SUSD4: variants seen among roughly 807,000 people sequenced by gnomAD.
SUSD4 encodes the protein sushi domain-containing protein 4.
Under a neutral mutation model 50.5 loss-of-function variants are expected in SUSD4, and 41 were observed. The observed-to-expected ratio is 0.81, with a 90% CI of 0.63 to 1.05. The LOEUF is 1.05. Ranked by LOEUF, SUSD4 falls within the 50% of genes least tolerant of loss-of-function variation. SUSD4 has a pLI of 0.00. For missense variants in SUSD4, 580 were observed against 634.7 expected (o/e 0.91, Z 0.93); for synonymous variants, 257 against 257.3 (o/e 1.00, Z 0.01).
chr1:223,313,087 G>C lies in SUSD4; in HGVS notation c.149-20436C>G, dbSNP rs542470190. Among the ~76,000 whole-genome samples the C allele has an allele frequency of 6.6e-5, 10 of 152,276 alleles. No homozygotes were observed. In the East Asian group the frequency reaches 1.9e-3, roughly 29 times the overall value. ...TATCTTATTATTCATGGCGAACCTT[G>C]ATAGTTTATGCTCACAAGGTGACTG... On this transcript the variant is annotated intron_variant, in intron 2 of 8. Transcript: ENST00000366878.
At chr1:223,353,832 G>A (rs955677172) in intron 2 of SUSD4, among the ~76,000 whole-genome samples, 2 of 152,022 alleles carry the variant, frequency 1.3e-5, no homozygotes, top group Non-Finnish European at 2.9e-5. Context: ...TAGGAAGGGA[G>A]ACACCCAAAG....
intron 5 of SUSD4, among the ~76,000 whole-genome samples, chr1:223,232,056 A>C (rs527390378): frequency 1.3e-5 from 2 of 152,244 alleles, no homozygotes; most frequent in Non-Finnish European, 2.9e-5. Context: ...GCTAAGTGAA[A>C]TAAACCAGGC....
chr1:223,242,354 C>T (rs1660640962), intron 5 of SUSD4, among the ~76,000 whole-genome samples: 1 of 152,200 alleles, frequency 6.6e-6, no homozygotes, highest in African/African-American at 2.4e-5. Context: ...TTGGGCCAGG[C>T]ACTCATTTCT....
At chr1:223,234,189 A>G (rs1329738042) in intron 5 of SUSD4, among the ~76,000 whole-genome samples, 1 of 152,230 alleles carries the variant, frequency 6.6e-6, no homozygotes, top group African/African-American at 2.4e-5. Flanking sequence ...TGTGTTGGCC[A>G]AGAATGGCCT....
intron 4 of SUSD4, among the ~76,000 whole-genome samples, chr1:223,266,541 C>G (rs1302484378): frequency 6.6e-6 from 1 of 152,206 alleles, no homozygotes; most frequent in Non-Finnish European, 1.5e-5. Context: ...TAAAAACTAA[C>G]TCTGACTCAG....
In SUSD4 at chr1:223,363,400, T is replaced by C. The variant is rs764080182; in HGVS notation, c.26A>G (p.Asn9Ser). 3.2e-6 allele frequency: 5 copies of C among 1,571,144 alleles called. No individual in the cohort carries two copies. The East Asian group carries it at 7.0e-5, about 22-fold the overall frequency. Residue 9 changes from asparagine (N) to serine (S), a missense_variant, in exon 2 of 9, where the codon AAT (asparagine) becomes AGT (serine). By Grantham distance (46) the Asn-to-Ser change is conservative. Transcript: ENST00000366878. ...CTGCTGCTCTAGAAATCCATCTCCA[T>C]TGCTCGGGTTCATTCCATGATACAT... MYHGMNPS[N>S]GDGFLEQQQQ...
At chr1:223,249,019 G>A (rs1661126574) in intron 5 of SUSD4, among the ~76,000 whole-genome samples, 1 of 152,174 alleles carries the variant, frequency 6.6e-6, no homozygotes, top group Non-Finnish European at 1.5e-5. Context: ...GTGTTTCTGT[G>A]TTCTGATGAG....
intron 2 of SUSD4, among the ~76,000 whole-genome samples, chr1:223,315,483 C>T (rs1666130079): frequency 6.6e-6 from 1 of 152,236 alleles, no homozygotes; most frequent in African/African-American, 2.4e-5. Flanking sequence ...ACTCCGCCAA[C>T]TGGTCCTGTG....
At chr1:223,330,656 C>T (rs374285366) in intron 2 of SUSD4, among the ~76,000 whole-genome samples, 6 of 152,188 alleles carry the variant, frequency 3.9e-5, no homozygotes, top group Non-Finnish European at 7.3e-5. Flanking sequence ...TGCATGTCTC[C>T]GGCCTCATGC....
chr1:223,322,445 C>G (rs1022044431), intron 2 of SUSD4, among the ~76,000 whole-genome samples: 5 of 152,168 alleles, frequency 3.3e-5, no homozygotes, highest in Admixed American at 6.5e-5. Context: ...CAGGAAAGAC[C>G]TAACACATCG....
chr1:223,339,244 G>A (rs1667623651), intron 2 of SUSD4, among the ~76,000 whole-genome samples: 1 of 152,172 alleles, frequency 6.6e-6, no homozygotes, highest in African/African-American at 2.4e-5. Flanking sequence ...CATTTACCAG[G>A]ATAATTTCAG....
At chr1:223,223,747 CGT>C in intron 7 of SUSD4, 116 bp from the exon 8 acceptor site, 2 of 1,255,180 alleles carry the variant, frequency 1.6e-6, no homozygotes, top group Non-Finnish European at 2.1e-6. Context: ...AGCAGAGTCC[CGT>C]ATGGAGGATA....
In SUSD4 at chr1:223,291,307, A is replaced by G. The variant is rs1242847655; in HGVS notation, c.361+1132T>C. ...CAGGAGTTTGAGACTAACCTGGGCA[A>G]CATGGTGAAACCTCATCTCTACAAA... On this transcript the variant is annotated intron_variant, in intron 3 of 8. Coordinates refer to ENST00000366878, the MANE Select transcript of SUSD4 (RefSeq NM_017982.4). 2.6e-5 allele frequency among the ~76,000 whole-genome samples: 4 copies of G among 152,006 alleles called. No individual in the cohort carries two copies. The East Asian group carries it at 7.7e-4, about 29-fold the overall frequency.
intron 5 of SUSD4, among the ~76,000 whole-genome samples, chr1:223,239,979 C>G (rs1321319672): frequency 6.6e-6 from 1 of 152,156 alleles, no homozygotes; most frequent in Non-Finnish European, 1.5e-5. Flanking sequence ...TGGCAACAAA[C>G]TTTCCACATT....
intron 5 of SUSD4, among the ~76,000 whole-genome samples, chr1:223,263,053 A>G (rs74145792): frequency 0.062 from 9,405 of 152,284 alleles, 450 homozygotes; most frequent in East Asian, 0.14. Context: ...GCTTATCAGA[A>G]CCTGACTGCT....
Position 223,221,974 on chromosome 1 carries a change from C to T in SUSD4, c.*218G>A. ...GAGGGCTTCCCTGCTGCCCCGGTTC[C>T]CCATGGGTCTTGGTGAATCCTCAAA... On this transcript the variant is annotated 3_prime_UTR_variant, in exon 9 of 9. Coordinates refer to ENST00000366878, the MANE Select transcript of SUSD4 (RefSeq NM_017982.4). 2 of 518,806 alleles carry T rather than the reference C, an allele frequency of 3.9e-6. No homozygotes were observed. Among genetic ancestry groups the T allele is most frequent in the South Asian group, 6.5e-5 (2 of 30,754 alleles). The allele number at this position is 518,806 out of a possible 1,614,324, so 32.1% of individuals were successfully genotyped here. A position where few individuals can be genotyped will look rare whatever the true frequency, so the allele number is the denominator to read the frequency against.
At chr1:223,317,230 G>C (rs1666251876) in intron 2 of SUSD4, among the ~76,000 whole-genome samples, 1 of 152,120 alleles carries the variant, frequency 6.6e-6, no homozygotes, top group South Asian at 2.1e-4. Context: ...AGTGGTCTCT[G>C]GTCATCCTCA....
At chr1:223,335,394 C>G (rs1302225285) in intron 2 of SUSD4, among the ~76,000 whole-genome samples, 1 of 152,108 alleles carries the variant, frequency 6.6e-6, no homozygotes, top group Non-Finnish European at 1.5e-5. Flanking sequence ...CTATGCTTTG[C>G]CAAGTTATCA....
At chr1:223,247,014 C>T (rs867717986) in intron 5 of SUSD4, among the ~76,000 whole-genome samples, 3 of 152,224 alleles carry the variant, frequency 2.0e-5, no homozygotes, top group Middle Eastern at 3.4e-3. Flanking sequence ...AATATTTTAA[C>T]CTACTAAATC....
Sources: allele counts gnomAD v4.1 joint callset (sites outside exome capture counted in the v4.1 genomes callset), GRCh38; gene constraint gnomAD v4.1.1; transcripts MANE v1.5; gene names NCBI Gene and HGNC (gene_info 2026-07-23, HGNC 2026-07-21).